SAMD5: variants seen among roughly 807,000 people sequenced by gnomAD.
SAMD5 encodes the protein sterile alpha motif domain containing 5, also known as sterile alpha motif domain-containing protein 5.
Under a neutral mutation model 11.3 loss-of-function variants are expected in SAMD5, and 13 were observed. That is an observed-to-expected ratio of 1.15 (90% CI 0.75 to 1.83). The LOEUF is 1.83. Ranked by LOEUF, SAMD5 falls within the 40% of genes most tolerant of loss-of-function variation. The pLI is 0.00. For synonymous variants in SAMD5, 129 were observed against 111.3 expected (o/e 1.16, Z -1.00); for missense variants, 255 against 239.1 (o/e 1.07, Z -0.44).
chr6:147,622,784 G>A (rs181622916), intron 1 of SAMD5, among the ~76,000 whole-genome samples: 13 of 152,248 alleles, frequency 8.5e-5, no homozygotes, highest in Admixed American at 1.3e-4. Flanking sequence ...CCAAGACAGG[G>A]TAATTTATAA....
the SAMD5 span, among the ~76,000 whole-genome samples, chr6:147,845,655 G>A: frequency 6.6e-6 from 1 of 151,846 alleles, no homozygotes; most frequent in South Asian, 2.1e-4. Context: ...AGCCCCCAGA[G>A]AAATGTAAAT....
At chr6:147,653,809 T>G (rs184132629) in intron 1 of SAMD5, among the ~76,000 whole-genome samples, 101 of 152,318 alleles carry the variant, frequency 6.6e-4, no homozygotes, top group Non-Finnish European at 8.1e-4. Flanking sequence ...TGTTCTTTCC[T>G]GTGGGCCTGT....
the SAMD5 span, among the ~76,000 whole-genome samples, chr6:147,854,957 C>T: frequency 6.2e-4 from 94 of 152,232 alleles, 1 homozygote; most frequent in African/African-American, 2.2e-3. Flanking sequence ...ACTGAAATAA[C>T]AGTGCACAGT....
intron 1 of SAMD5, among the ~76,000 whole-genome samples, chr6:147,622,051 C>G (rs561389597): frequency 6.6e-6 from 1 of 152,318 alleles, no homozygotes; most frequent in East Asian, 1.9e-4. Flanking sequence ...CTGGGCTGTG[C>G]TTTCTTGCTT....
At chr6:147,624,626 C>T (rs796963618) in intron 1 of SAMD5, among the ~76,000 whole-genome samples, 3 of 152,240 alleles carry the variant, frequency 2.0e-5, no homozygotes, top group African/African-American at 4.8e-5. Flanking sequence ...TCTTTATCCA[C>T]TCGTTGATTG....
At chr6:147,898,154 T>TACCC in the SAMD5 span, among the ~76,000 whole-genome samples, 1 of 151,944 alleles carries the variant, frequency 6.6e-6, no homozygotes, top group Non-Finnish European at 1.5e-5. Context: ...ATGCTAAGCA[T>TACCC]ACCCACAGGA....
At chr6:147,524,720 A>G (rs1414142830) in intron 1 of SAMD5, among the ~76,000 whole-genome samples, 1 of 152,160 alleles carries the variant, frequency 6.6e-6, no homozygotes, top group Non-Finnish European at 1.5e-5. Flanking sequence ...TAAGACTCAC[A>G]CAAGTTGGGA....
the SAMD5 span, among the ~76,000 whole-genome samples, chr6:147,772,214 G>A: frequency 6.6e-6 from 1 of 152,088 alleles, no homozygotes; most frequent in Non-Finnish European, 1.5e-5. Context: ...TTAGGAAAGT[G>A]TTTAATTTAA....
intron 1 of SAMD5, among the ~76,000 whole-genome samples, chr6:147,521,633 A>T (rs1788256809): frequency 6.6e-6 from 1 of 152,096 alleles, no homozygotes; most frequent in South Asian, 2.1e-4. Context: ...TATTAAGGCT[A>T]TTGTGAGGAA....
intron 1 of SAMD5, among the ~76,000 whole-genome samples, chr6:147,687,993 G>T (rs567642161): frequency 6.6e-6 from 1 of 152,054 alleles, no homozygotes; most frequent in Non-Finnish European, 1.5e-5. Context: ...TTCATATATT[G>T]TATATGTTTC....
intron 1 of SAMD5, among the ~76,000 whole-genome samples, chr6:147,632,898 T>C (rs1363495541): frequency 6.6e-6 from 1 of 152,230 alleles, no homozygotes; most frequent in Non-Finnish European, 1.5e-5. Context: ...ATGTAAGTCC[T>C]TCTTTCCCAC....
At chr6:147,810,323 T>G in the SAMD5 span, among the ~76,000 whole-genome samples, 2 of 152,126 alleles carry the variant, frequency 1.3e-5, no homozygotes, top group Non-Finnish European at 2.9e-5. Flanking sequence ...CTGGTTCTAT[T>G]AAAGGGATGT....
rs376224640 is a variant in SAMD5, at chr6:147,708,312, G to T, written c.163-29005G>T. 2.0e-5 allele frequency among the ~76,000 whole-genome samples: 3 copies of T among 152,148 alleles called. No homozygotes were observed. The East Asian group carries it at 5.8e-4, about 29-fold the overall frequency. On this transcript the variant is annotated intron_variant, in intron 1 of 1. Coordinates refer to the SAMD5 transcript ENST00000566741. ...ATCCGCGAGCCAAGGAGTGAGGCCTGGAGCTGTTCCTTCCCTCACAACCCT... is the reference window on the plus strand; with the variant it reads ...ATCCGCGAGCCAAGGAGTGAGGCCTTGAGCTGTTCCTTCCCTCACAACCCT...
chr6:147,870,724 A>G, the SAMD5 span, among the ~76,000 whole-genome samples: 3 of 146,490 alleles, frequency 2.0e-5, no homozygotes, highest in Non-Finnish European at 4.5e-5. Context: ...AATGAGGGAG[A>G]GGAAATCTGG....
chr6:147,660,744 C>A (rs1472592770), intron 1 of SAMD5: 1 of 152,302 alleles, frequency 6.6e-6, no homozygotes, highest in African/African-American at 2.4e-5. Context: ...GATGTGGCTA[C>A]TTCCCTTCGC....
chr6:147,890,092 T>C, the SAMD5 span, among the ~76,000 whole-genome samples: 2 of 152,128 alleles, frequency 1.3e-5, no homozygotes, highest in African/African-American at 4.8e-5. Context: ...AAATTTTAAA[T>C]GTTTTGAACC....
chr6:147,775,882 A>G, the SAMD5 span, among the ~76,000 whole-genome samples: 1 of 152,182 alleles, frequency 6.6e-6, no homozygotes, highest in East Asian at 1.9e-4. Flanking sequence ...AGAGAAAGGG[A>G]TGGCGATAAT....
chr6:147,564,574 C>A lies in SAMD5; in HGVS notation c.*118C>A. ...TGATGACCCTGGAAATACTCATCAG[C>A]TTAACTTTTTGCTTGGACAAATTCT... On this transcript the variant is annotated 3_prime_UTR_variant, in exon 2 of 2. Coordinates refer to ENST00000367474, the MANE Select transcript of SAMD5 (RefSeq NM_001030060.3). 1 of 1,317,142 alleles carries A rather than the reference C, an allele frequency of 7.6e-7. No homozygotes were observed. The highest frequency in any genetic ancestry group is 1.0e-6 in the Non-Finnish European group (1 of 957,602). The allele number at this position is 1,317,142 out of a possible 1,614,324, so 81.6% of individuals were successfully genotyped here. A position where few individuals can be genotyped will look rare whatever the true frequency, so the allele number is the denominator to read the frequency against.
At chr6:147,818,584 C>G in the SAMD5 span, among the ~76,000 whole-genome samples, 4 of 152,112 alleles carry the variant, frequency 2.6e-5, no homozygotes, top group Admixed American at 1.3e-4. Context: ...TGGCAAATGC[C>G]CACATGCATT....
Sources: allele counts gnomAD v4.1 joint callset (sites outside exome capture counted in the v4.1 genomes callset), GRCh38; gene constraint gnomAD v4.1.1; transcripts MANE v1.5; gene names NCBI Gene and HGNC (gene_info 2026-07-23, HGNC 2026-07-21).